PTCH2: variants seen among roughly 807,000 people sequenced by gnomAD.
PTCH2 encodes protein patched homolog 2.
A neutral mutation model predicts 117.9 loss-of-function variants in PTCH2; 96 were observed. That is an observed-to-expected ratio of 0.81 (90% CI 0.69 to 0.96). The LOEUF is 0.96. Among genes scored for constraint, PTCH2 ranks in the 50% least tolerant of loss-of-function variants. PTCH2 has a pLI of 0.00. For synonymous variants in PTCH2, 615 were observed against 660.9 expected, an observed-to-expected ratio of 0.93 and a Z score of 1.06; for missense variants, 1,379 against 1,562.5, an observed-to-expected ratio of 0.88 and a Z score of 1.98.
Position 44,826,632 on chromosome 1 carries a change from G to A in PTCH2, c.2832C>T (p.Ala944=), listed in dbSNP as rs1380334660. 6.2e-7 allele frequency: 1 copy of A among 1,613,014 alleles called. No individual in the cohort carries two copies. Among genetic ancestry groups the A allele is most frequent in the Admixed American group, 1.7e-5 (1 of 60,016 alleles). The change falls in exon 18 of 22, where the codon GCC becomes GCT. Residue 944 remains alanine, a synonymous_variant. Coordinates refer to ENST00000372192, the MANE Select transcript of PTCH2 (RefSeq NM_003738.5). This position sits in a 1 kb window ranked among gnomAD's most constrained non-coding sequence, Gnocchi z 5.1. ...AGAGGAAGGGGGAGCCGCTGGGGTA[G>A]GCGTGCACCCCAGCCTGGCCGGCCT... ...CAEAGQAGVH[A]YPSGSPFLFW...
rs1017961624 is a variant in PTCH2, at chr1:44,829,939, A to G, written c.905T>C (p.Met302Thr). 1.9e-6 allele frequency: 3 copies of G among 1,614,132 alleles called. No homozygotes were observed. Among genetic ancestry groups the G allele is most frequent in the South Asian group, 1.1e-5 (1 of 91,076 alleles). ...CAGCTCTCCTTGGGGGTCTCTGGCC[A>G]TGCCTCCCAGCAGCAATTCCTCCTG... Reference protein sequence around the residue: ...HWQEELLLGGMARDPQGELLR... With the variant: ...HWQEELLLGGTARDPQGELLR... Residue 302 changes from methionine to threonine, a missense_variant, in exon 7 of 22, where the codon ATG (methionine) becomes ACG (threonine). Coordinates refer to ENST00000372192, the MANE Select transcript of PTCH2 (RefSeq NM_003738.5).
At position 44,823,182 on chromosome 1, in the gene PTCH2, G is replaced by GT; in HGVS notation, c.3258-15dup. 6.2e-7 allele frequency: 1 copy of GT among 1,614,128 alleles called. No individual in the cohort carries two copies. Among genetic ancestry groups the GT allele is most frequent in the Non-Finnish European group, 8.5e-7 (1 of 1,179,994 alleles). Reference sequence around the variant, plus strand: ...GCAAAGAAGTACCTAGGGGTAGGGTGTGGGGGGAGTCAGCCCAGGCCTGTC... The same window carrying GT: ...GCAAAGAAGTACCTAGGGGTAGGGTGTTGGGGGGAGTCAGCCCAGGCCTGTC... On this transcript the variant is annotated splice_polypyrimidine_tract_variant and intron_variant, in intron 20 of 21. Transcript: ENST00000372192. This position sits in a 1 kb window ranked among gnomAD's most constrained non-coding sequence, Gnocchi z 5.1.
intron 19 of PTCH2, among the ~76,000 whole-genome samples, chr1:44,824,377 C>T (rs1366123935): frequency 6.6e-6 from 1 of 152,178 alleles, no homozygotes; most frequent in African/African-American, 2.4e-5. Flanking sequence ...TGGGTCCCCC[C>T]TTTCCTCTGC....
Position 44,842,874 on chromosome 1 carries a change from G to T in PTCH2, c.59C>A (p.Thr20Asn). 6.4e-7 allele frequency: 1 copy of T among 1,550,892 alleles called. No homozygotes were observed. Among genetic ancestry groups the T allele is most frequent in the Non-Finnish European group, 8.7e-7 (1 of 1,146,526 alleles). The change falls in exon 1 of 22, where the codon ACC (threonine) becomes AAC (asparagine). Residue 20 changes from threonine (T) to asparagine (N), a missense_variant. Coordinates refer to ENST00000372192, the MANE Select transcript of PTCH2 (RefSeq NM_003738.5). ...CCCTCTACTCACCTGGGGTGCTGCG[G>T]TTCGAGCTGGGGGTGTGTAACTCGG... The part of the protein sequence containing the change: ...LPPSYTPPAR[T>N]AAPQILAGSL...
Position 44,830,006 on chromosome 1 carries a change from T to C in PTCH2, c.838A>G (p.Ser280Gly), listed in dbSNP as rs1429367527. Residue 280 changes from serine (S) to glycine (G), a missense_variant, in exon 7 of 22, where the codon AGT becomes GGT. Transcript: ENST00000372192. The part of the protein sequence containing the change: ...RQAPNVAHEL[S>G]GGCHGFSHKF... ...TGGGAGAAGCCATGGCAGCCCCCAC[T>C]CAGCTCGTGAGCCACATTGGGAGCC... The C allele has an allele frequency of 4.3e-6, 7 of 1,613,984 alleles. No homozygotes were observed. Among genetic ancestry groups the C allele is most frequent in the Non-Finnish European group, 5.9e-6 (7 of 1,179,992 alleles).
At chr1:44,819,963 A>G (rs964835222), downstream of PTCH2, 2 of 153,448 alleles carry the variant, frequency 1.3e-5, no homozygotes, top group African/African-American at 4.8e-5. Context: ...GTAAAAGGCG[A>G]AAGATTTATG....
chr1:44,819,943 G>A (rs188241457), downstream of PTCH2: 859 of 153,426 alleles, frequency 5.6e-3, 1 homozygote, highest in Middle Eastern at 0.041. Flanking sequence ...TCTCTCCACG[G>A]AAATCTTTAG....
intron 3 of PTCH2, 43 bp downstream of exon 3, chr1:44,832,109 G>A (rs2148880146): frequency 6.2e-7 from 1 of 1,613,116 alleles, no homozygotes; most frequent in Non-Finnish European, 8.5e-7. Context: ...AACCCCCACA[G>A]CACGCCTCGC....
In PTCH2 at chr1:44,822,495, G is replaced by C; in HGVS notation, c.3532C>G (p.Pro1178Ala). Residue 1178 changes from proline to alanine, a missense_variant, in exon 22 of 22, where the codon CCT (proline) becomes GCT (alanine). By Grantham distance (27) the Pro-to-Ala change is conservative. Coordinates refer to ENST00000372192, the MANE Select transcript of PTCH2 (RefSeq NM_003738.5). Reference protein sequence around the residue: ...PLPGAYIHPAPDEPPWSPAAT... With the variant: ...PLPGAYIHPAADEPPWSPAAT... ...GCAGGGGACCAAGGGGGCTCATCAG[G>C]GGCTGGATGGATGTAGGCACCAGGC... 1 of 1,614,040 alleles carries C rather than the reference G, an allele frequency of 6.2e-7. No homozygotes were observed. The highest frequency in any genetic ancestry group is 8.5e-7 in the Non-Finnish European group (1 of 1,179,956).
intron 19 of PTCH2, among the ~76,000 whole-genome samples, chr1:44,824,499 CAT>C (rs762468075): frequency 1.4e-5 from 1 of 69,904 alleles, no homozygotes; most frequent in Non-Finnish European, 2.9e-5. Flanking sequence ...GCTACCATCC[CAT>C]TTTTTTTTTT....
chr1:44,831,703 C>T lies in PTCH2; in HGVS notation c.617+3G>A, dbSNP rs2148879703. The T allele has an allele frequency of 6.4e-7, 1 of 1,555,826 alleles. No homozygotes were observed. The highest frequency in any genetic ancestry group is 1.4e-5 in the African/African-American group (1 of 73,314). The stretch of plus-strand genomic sequence containing the variant: ...GAAGCAGGGCCCCAGGAGTGGCACT[C>T]ACGGCAGGTAGGCGGAGCCCCCTTG... On this transcript the variant is annotated splice_donor_region_variant and intron_variant, in intron 5 of 21. Transcript: ENST00000372192. The surrounding 1 kb of genome is among the most constrained non-coding windows in gnomAD (Gnocchi z 4.3).
At chr1:44,819,896 A>G (rs530255931), downstream of PTCH2, 1 of 153,378 alleles carries the variant, frequency 6.5e-6, no homozygotes, top group East Asian at 1.9e-4. Flanking sequence ...CTCAGGAAAT[A>G]AGAGGCCTCA....
chr1:44,823,189 G>T lies in PTCH2; in HGVS notation c.3258-21C>A, dbSNP rs1443869013. ...AGTACCTAGGGGTAGGGTGTGGGGG[G>T]AGTCAGCCCAGGCCTGTCCTGAGCC... On this transcript the variant is annotated intron_variant, in intron 20 of 21. Coordinates refer to ENST00000372192, the MANE Select transcript of PTCH2 (RefSeq NM_003738.5). This position sits in a 1 kb window ranked among gnomAD's most constrained non-coding sequence, Gnocchi z 5.1. The T allele has an allele frequency of 1.2e-6, 2 of 1,614,024 alleles. No homozygotes were observed. Among genetic ancestry groups the T allele is most frequent in the Non-Finnish European group, 1.7e-6 (2 of 1,180,010 alleles).
At chr1:44,838,346 A>C (rs1653777569) in intron 2 of PTCH2, among the ~76,000 whole-genome samples, 1 of 152,106 alleles carries the variant, frequency 6.6e-6, no homozygotes, top group African/African-American at 2.4e-5. Flanking sequence ...GGTTCAAGCG[A>C]TTCTCCTGCC....
At chr1:44,821,787 T>C (rs1052362399), downstream of PTCH2, 20 of 1,333,364 alleles carry the variant, frequency 1.5e-5, no homozygotes, top group Non-Finnish European at 2.0e-5. Flanking sequence ...ACCAAGTATA[T>C]GACAAAAATC....
At chr1:44,830,827 G>A (rs1232761149) in intron 6 of PTCH2, 21 bp downstream of exon 6, 1 of 1,521,052 alleles carries the variant, frequency 6.6e-7, no homozygotes, top group South Asian at 1.3e-5. Flanking sequence ...CCTTTCCCTG[G>A]CAGACCTGGT....
intron 16 of PTCH2, 35 bp downstream of exon 16, chr1:44,827,132 C>G (rs1168610189): frequency 3.7e-6 from 6 of 1,614,006 alleles, no homozygotes; most frequent in Non-Finnish European, 5.1e-6. Flanking sequence ...GCCTGCAGCC[C>G]CTGTACTAGT....
intron 19 of PTCH2, among the ~76,000 whole-genome samples, chr1:44,825,507 C>T (rs1401567710): frequency 3.3e-5 from 5 of 151,968 alleles, no homozygotes; most frequent in Admixed American, 6.6e-5. Context: ...TATTATATCC[C>T]GTATTCTTTT....
At position 44,842,027 on chromosome 1, in the gene PTCH2, TC is replaced by T. The variant is rs1034299461; in HGVS notation, c.84del (p.Ser29AlafsTer2). The T allele has an allele frequency of 1.9e-6, 3 of 1,612,828 alleles. No homozygotes were observed. The African/African-American group carries it at 4.0e-5, about 22-fold the overall frequency. ...ARTAAPQILA[G>X]SLKAPLWLRA... ...CGAAGCCAGAGTGGAGCCTTCAGGC[TC>T]CCAGCTAGGATCTGGGATGGAAAGA... is the stretch of plus-strand genomic sequence containing the variant. On this transcript the variant is annotated frameshift_variant, in exon 2 of 22. Coordinates refer to ENST00000372192, the MANE Select transcript of PTCH2 (RefSeq NM_003738.5). LOFTEE classifies it high-confidence loss of function.
Sources: gnomAD v4.1 joint callset for allele counts (sites outside exome capture counted in the v4.1 genomes callset) on GRCh38, gnomAD v4.1.1 for gene constraint, Gnocchi (gnomAD v3.1) non-coding constraint, MANE v1.5 for transcripts, NCBI Gene and HGNC (gene_info 2026-07-23, HGNC 2026-07-21) for gene names.